TMTC1: variants seen among roughly 807,000 people sequenced by gnomAD.
TMTC1 encodes the protein protein O-mannosyl-transferase TMTC1.
Under a neutral mutation model 104.8 loss-of-function variants are expected in TMTC1, and 73 were observed. The observed-to-expected ratio is 0.70, with a 90% confidence interval of 0.58 to 0.85. The LOEUF (loss-of-function observed/expected upper bound fraction) is 0.85. Ranked by LOEUF, TMTC1 falls within the 40% of genes least tolerant of loss-of-function variation. The probability of loss-of-function intolerance (pLI) is 0.00; values close to 1 mark genes in which losing one functional copy is unlikely to be tolerated. For synonymous variants in TMTC1, 434 were observed against 428.7 expected (o/e 1.01, Z -0.15); for missense variants, 1,035 against 1,096.1 (o/e 0.94, Z 0.79).
intron 10 of TMTC1, among the ~76,000 whole-genome samples, chr12:29,555,599 T>C (rs994471239): frequency 2.6e-5 from 4 of 152,150 alleles, no homozygotes; most frequent in African/African-American, 9.7e-5. Flanking sequence ...CCTGTGTTAG[T>C]TTGCTGAGAA....
intron 5 of TMTC1, among the ~76,000 whole-genome samples, chr12:29,708,365 C>A (rs1941808529): frequency 2.0e-5 from 3 of 152,244 alleles, no homozygotes; most frequent in Middle Eastern, 6.8e-3. Flanking sequence ...AATAAATGCA[C>A]ATGAACAGCG....
At chr12:29,553,546 C>T (rs1291368492) in intron 10 of TMTC1, among the ~76,000 whole-genome samples, 2 of 151,974 alleles carry the variant, frequency 1.3e-5, no homozygotes, top group Non-Finnish European at 2.9e-5. Context: ...CTTTCCTATT[C>T]ACTGTAAAGA....
chr12:29,648,843 T>G (rs1939389374), intron 5 of TMTC1, among the ~76,000 whole-genome samples: 1 of 152,210 alleles, frequency 6.6e-6, no homozygotes, highest in Admixed American at 6.5e-5. Context: ...GTAAAAATTA[T>G]GAATGGGATT....
intron 16 of TMTC1, among the ~76,000 whole-genome samples, chr12:29,514,153 G>C (rs767375393): frequency 1.3e-5 from 2 of 152,146 alleles, no homozygotes; most frequent in African/African-American, 4.8e-5. Context: ...AGGCTTTTCA[G>C]GTACTAGTCC....
At chr12:29,649,477 G>A (rs1297672647) in intron 5 of TMTC1, among the ~76,000 whole-genome samples, 7 of 152,310 alleles carry the variant, frequency 4.6e-5, no homozygotes, top group Middle Eastern at 3.4e-3. Flanking sequence ...ACAGGACTGC[G>A]GACAGGTGGG....
chr12:29,508,541 C>T (rs146640879), intron 17 of TMTC1, among the ~76,000 whole-genome samples: 6 of 152,214 alleles, frequency 3.9e-5, no homozygotes, highest in African/African-American at 1.4e-4. Flanking sequence ...ACACAGAACG[C>T]AGTTCCTTTT....
intron 9 of TMTC1, among the ~76,000 whole-genome samples, chr12:29,570,881 A>ACG (rs1945652278): frequency 2.6e-4 from 8 of 31,310 alleles, no homozygotes; most frequent in Admixed American, 5.3e-4. Context: ...AAACAGAAAC[A>ACG]CCCCCCCCCC....
At chr12:29,566,644 G>A (rs1171575920) in intron 9 of TMTC1, among the ~76,000 whole-genome samples, 4 of 152,336 alleles carry the variant, frequency 2.6e-5, no homozygotes, top group Non-Finnish European at 4.4e-5. Context: ...TAGCTGAGAG[G>A]TGGAGGGGAC....
At chr12:29,565,854 C>T (rs1201043239) in intron 9 of TMTC1, among the ~76,000 whole-genome samples, 2 of 152,056 alleles carry the variant, frequency 1.3e-5, no homozygotes, top group Non-Finnish European at 2.9e-5. Flanking sequence ...TCTCAAAAAA[C>T]AAACACAAAA....
chr12:29,734,612 C>T (rs1443596782), intron 5 of TMTC1, among the ~76,000 whole-genome samples: 2 of 152,138 alleles, frequency 1.3e-5, no homozygotes, highest in African/African-American at 2.4e-5. Flanking sequence ...TTTAAAATAC[C>T]TGAGCAAAAT....
intron 1 of TMTC1, among the ~76,000 whole-genome samples, chr12:29,776,772 G>A (rs1191142219): frequency 4.6e-5 from 7 of 152,168 alleles, no homozygotes; most frequent in Non-Finnish European, 8.8e-5. Flanking sequence ...CTGGCCACCA[G>A]GGAAGGCCTC....
rs1286962354 is a variant in TMTC1, at chr12:29,506,831, G to A, written c.*15C>T. 6.2e-7 allele frequency: 1 copy of A among 1,613,886 alleles called. No homozygotes were observed. The highest frequency in any genetic ancestry group is 8.5e-7 in the Non-Finnish European group (1 of 1,179,850). On this transcript the variant is annotated 3_prime_UTR_variant, in exon 18 of 18. Transcript: ENST00000539277. The stretch of plus-strand genomic sequence containing the variant: ...GGCACCACATTATCCTATGAGGTTG[G>A]GTCAGACGGTGGTGCTATGTTTGAT...
At chr12:29,727,481 A>G (rs1185696469) in intron 5 of TMTC1, among the ~76,000 whole-genome samples, 1 of 152,040 alleles carries the variant, frequency 6.6e-6, no homozygotes, top group Non-Finnish European at 1.5e-5. Context: ...GGTTCACACC[A>G]TTCTCCTGCC....
intron 6 of TMTC1, 77 bp from the exon 7 acceptor site, chr12:29,604,376 C>T (rs1209904794): frequency 6.3e-7 from 1 of 1,578,542 alleles, no homozygotes; most frequent in African/African-American, 1.4e-5. Context: ...ATCTCCTTCA[C>T]TTTCAGGTTC....
chr12:29,520,968 T>C (rs1335525940), intron 11 of TMTC1: 3 of 422,316 alleles, frequency 7.1e-6, no homozygotes, highest in African/African-American at 2.0e-5. Flanking sequence ...TTTTCTCAAA[T>C]GGGACCTTTG....
chr12:29,739,437 G>A (rs1332721858), intron 5 of TMTC1, among the ~76,000 whole-genome samples: 1 of 152,138 alleles, frequency 6.6e-6, no homozygotes, highest in African/African-American at 2.4e-5. Flanking sequence ...AACTTCCCAA[G>A]CTGGCTAAGG....
intron 5 of TMTC1, among the ~76,000 whole-genome samples, chr12:29,635,940 A>G (rs1348749337): frequency 6.6e-6 from 1 of 152,246 alleles, no homozygotes; most frequent in Non-Finnish European, 1.5e-5. Flanking sequence ...TGCTAATTCA[A>G]AGAAACCACT....
chr12:29,749,331 C>G (rs1943033775), intron 5 of TMTC1, among the ~76,000 whole-genome samples: 2 of 152,146 alleles, frequency 1.3e-5, no homozygotes, highest in African/African-American at 2.4e-5. Flanking sequence ...AATGTTCCAT[C>G]TATGCTTAAT....
At chr12:29,589,822 C>T (rs938656486) in intron 7 of TMTC1, among the ~76,000 whole-genome samples, 7 of 152,284 alleles carry the variant, frequency 4.6e-5, no homozygotes, top group Admixed American at 1.3e-4. Context: ...GCAGGGCATG[C>T]GGGCAAGGAC....
Sources: gnomAD v4.1 joint callset for allele counts (sites outside exome capture counted in the v4.1 genomes callset) on GRCh38, gnomAD v4.1.1 for gene constraint, MANE v1.5 for transcripts, NCBI Gene and HGNC (gene_info 2026-07-23, HGNC 2026-07-21) for gene names.